CELF2: variants seen among roughly 807,000 people sequenced by gnomAD.
The protein encoded by CELF2 is CUGBP Elav-like family member 2.
In CELF2, 8 loss-of-function variants were observed where a neutral mutation model predicts 62.6. The observed-to-expected ratio is 0.13, with a 90% CI of 0.07 to 0.23. The LOEUF is 0.23. Ranked by LOEUF, CELF2 falls within the 10% of genes least tolerant of loss-of-function variation. The probability of loss-of-function intolerance (pLI) is 1.00; values close to 1 mark genes in which losing one functional copy is unlikely to be tolerated. For synonymous variants in CELF2, 258 were observed against 250.0 expected, an observed-to-expected ratio of 1.03 and a Z score of -0.30; for missense variants, 333 against 671.0, an observed-to-expected ratio of 0.50 and a Z score of 5.56.
chr10:11,071,112 C>T (rs531495157), intron 1 of CELF2, among the ~76,000 whole-genome samples: 2 of 152,236 alleles, frequency 1.3e-5, no homozygotes, highest in Admixed American at 6.5e-5. Context: ...TTTTATTTAT[C>T]GAGGCTAATT....
intron 1 of CELF2, among the ~76,000 whole-genome samples, chr10:11,058,080 A>G (rs1478515463): frequency 3.3e-5 from 5 of 152,070 alleles, no homozygotes; most frequent in African/African-American, 1.2e-4. Flanking sequence ...GAAAAAAAAA[A>G]AAAAACGGAA....
the CELF2 span, among the ~76,000 whole-genome samples, chr10:10,701,399 G>T: frequency 6.6e-6 from 1 of 152,210 alleles, no homozygotes; most frequent in Non-Finnish European, 1.5e-5. Flanking sequence ...TTGTTCACTT[G>T]TCAGAAAGGG....
the CELF2 span, among the ~76,000 whole-genome samples, chr10:10,506,073 T>A: frequency 8.4e-6 from 1 of 119,296 alleles, no homozygotes; most frequent in African/African-American, 2.6e-5. Flanking sequence ...GAAGTCGGTA[T>A]TCTCTCATTT....
chr10:10,691,905 T>A, the CELF2 span, among the ~76,000 whole-genome samples: 1 of 150,984 alleles, frequency 6.6e-6, no homozygotes, highest in African/African-American at 2.4e-5. Context: ...TTCTGGATAT[T>A]AGCCCTTTGT....
chr10:11,142,751 T>C (rs2061568567), intron 1 of CELF2, among the ~76,000 whole-genome samples: 1 of 142,638 alleles, frequency 7.0e-6, no homozygotes, highest in South Asian at 2.2e-4. Context: ...ATCCGAGAAA[T>C]ACACACCTGT....
upstream of CELF2, among the ~76,000 whole-genome samples, chr10:10,796,352 T>C (rs2054138531): frequency 6.6e-6 from 1 of 152,266 alleles, no homozygotes; most frequent in Admixed American, 6.5e-5. Context: ...CAGCTACTAC[T>C]GTATCTGTTT....
the CELF2 span, among the ~76,000 whole-genome samples, chr10:10,498,199 G>A: frequency 7.2e-5 from 11 of 152,246 alleles, no homozygotes; most frequent in African/African-American, 1.9e-4. Context: ...GGCGGAAGGC[G>A]CCCATTTCAG....
chr10:11,067,430 G>A (rs760310850), intron 1 of CELF2, among the ~76,000 whole-genome samples: 31 of 152,300 alleles, frequency 2.0e-4, no homozygotes, highest in Non-Finnish European at 3.8e-4. Context: ...GTAGCACACT[G>A]CTCTTATTAA....
the CELF2 span, among the ~76,000 whole-genome samples, chr10:10,759,387 G>A: frequency 3.6e-5 from 5 of 137,718 alleles, no homozygotes; most frequent in African/African-American, 1.4e-4. Context: ...TTGGCTCACT[G>A]CAACCTCTGC....
intron 1 of CELF2, among the ~76,000 whole-genome samples, chr10:10,808,871 G>A (rs985811760): frequency 6.6e-6 from 1 of 152,142 alleles, no homozygotes; most frequent in African/African-American, 2.4e-5. Context: ...TTTTCAGAAA[G>A]AGAAAACCAA....
chr10:10,978,360 T>A (rs748814725), intron 2 of CELF2, among the ~76,000 whole-genome samples: 15 of 152,354 alleles, frequency 9.8e-5, no homozygotes, highest in Middle Eastern at 3.4e-3. Context: ...CACCTGTGAA[T>A]CCATCATAAA....
chr10:10,464,668 GA>G, the CELF2 span, among the ~76,000 whole-genome samples: 2 of 152,150 alleles, frequency 1.3e-5, no homozygotes, highest in Non-Finnish European at 2.9e-5. Context: ...TAAATGTGAA[GA>G]ACTGCCATCA....
At chr10:10,507,731 T>C in the CELF2 span, among the ~76,000 whole-genome samples, 1 of 92,680 alleles carries the variant, frequency 1.1e-5, no homozygotes, top group Non-Finnish European at 2.7e-5. Flanking sequence ...CTTCTGAATG[T>C]TTTTGAATTC....
chr10:10,914,207 A>G (rs1591844293), intron 1 of CELF2, among the ~76,000 whole-genome samples: 1 of 152,288 alleles, frequency 6.6e-6, no homozygotes, highest in East Asian at 1.9e-4. Context: ...CCAGGTCTTA[A>G]AAATATTTAT....
chr10:10,894,823 TCTA>T (rs1428097670), intron 1 of CELF2, among the ~76,000 whole-genome samples: 1 of 152,216 alleles, frequency 6.6e-6, no homozygotes, highest in Non-Finnish European at 1.5e-5. Flanking sequence ...ACACCGGAAA[TCTA>T]CTATGATTTC....
chr10:10,910,491 T>C (rs979544281), intron 1 of CELF2, among the ~76,000 whole-genome samples: 1 of 151,798 alleles, frequency 6.6e-6, no homozygotes, highest in African/African-American at 2.4e-5. Flanking sequence ...GTTCATGAGT[T>C]TGAGACCAGC....
At chr10:11,000,275 A>G (rs1264602238) in intron 2 of CELF2, among the ~76,000 whole-genome samples, 1 of 152,104 alleles carries the variant, frequency 6.6e-6, no homozygotes, top group East Asian at 1.9e-4. Flanking sequence ...CTACACAGAC[A>G]TAGTCCTCTG....
At chr10:10,741,275 G>A in the CELF2 span, among the ~76,000 whole-genome samples, 4 of 151,958 alleles carry the variant, frequency 2.6e-5, no homozygotes, top group Non-Finnish European at 4.4e-5. Context: ...CACTTTGGAA[G>A]GCCGAGGCAG....
intron 1 of CELF2, among the ~76,000 whole-genome samples, chr10:11,052,576 A>G (rs2064170514): frequency 6.6e-6 from 1 of 152,218 alleles, no homozygotes; most frequent in African/African-American, 2.4e-5. Context: ...GAAAAATGAA[A>G]AGCTAACTGC....
Sources: gnomAD v4.1 joint callset for allele counts (sites outside exome capture counted in the v4.1 genomes callset) on GRCh38, gnomAD v4.1.1 for gene constraint, MANE v1.5 for transcripts, NCBI Gene and HGNC (gene_info 2026-07-23, HGNC 2026-07-21) for gene names.